Variants in GRID1 observed in about 807,000 individuals in gnomAD.
GRID1 encodes the protein glutamate receptor ionotropic, delta-1.
Under a neutral mutation model 98.0 loss-of-function variants are expected in GRID1, and 28 were observed. That is an observed-to-expected ratio of 0.29 (90% CI 0.21 to 0.39). GRID1 has a LOEUF of 0.39. GRID1 is among the 10% of genes least tolerant of loss of function. GRID1 has a pLI of 1.00. For missense variants in GRID1, 1,111 were observed against 1,340.5 expected, an observed-to-expected ratio of 0.83 and a Z score of 2.67; for synonymous variants, 553 against 538.5, an observed-to-expected ratio of 1.03 and a Z score of -0.37.
chr10:86,247,078 C>T (rs925694712), intron 2 of GRID1, among the ~76,000 whole-genome samples: 9 of 152,226 alleles, frequency 5.9e-5, no homozygotes, highest in Non-Finnish European at 1.5e-5. Flanking sequence ...TACATGTTGG[C>T]TCAATGACTG....
intron 4 of GRID1, among the ~76,000 whole-genome samples, chr10:85,918,805 T>C (rs1217976168): frequency 6.6e-6 from 1 of 152,226 alleles, no homozygotes. Flanking sequence ...AGGAAGTGCC[T>C]GAGCAGAAGG....
intron 5 of GRID1, among the ~76,000 whole-genome samples, chr10:85,908,892 T>C (rs1420289629): frequency 6.6e-6 from 1 of 152,178 alleles, no homozygotes; most frequent in African/African-American, 2.4e-5. Context: ...TTTCAGATAC[T>C]ACACGAAAAA....
chr10:86,269,313 C>G (rs371647553), intron 2 of GRID1, among the ~76,000 whole-genome samples: 3 of 152,176 alleles, frequency 2.0e-5, no homozygotes, highest in African/African-American at 7.2e-5. Context: ...GGCTCCAGCA[C>G]GGCCAGGTAA....
intron 4 of GRID1, among the ~76,000 whole-genome samples, chr10:86,017,880 T>C (rs1589338331): frequency 6.6e-6 from 1 of 151,850 alleles, no homozygotes; most frequent in African/African-American, 2.4e-5. Flanking sequence ...AGAGAGGAGG[T>C]TGGCCTATCC....
chr10:85,883,046 T>C (rs1841057960), intron 5 of GRID1, among the ~76,000 whole-genome samples: 1 of 152,186 alleles, frequency 6.6e-6, no homozygotes, highest in Non-Finnish European at 1.5e-5. Context: ...TATTTCGTTT[T>C]AGAAGTCCAA....
intron 8 of GRID1, among the ~76,000 whole-genome samples, chr10:85,784,511 G>T (rs146025797): frequency 6.6e-6 from 1 of 152,210 alleles, no homozygotes; most frequent in African/African-American, 2.4e-5. Context: ...ATTCAGCAAC[G>T]CCCTGAATGA....
chr10:85,691,125 T>C (rs1245828871), intron 12 of GRID1, among the ~76,000 whole-genome samples: 1 of 152,178 alleles, frequency 6.6e-6, no homozygotes, highest in East Asian at 1.9e-4. Context: ...CCATCTAAAA[T>C]CACACAGCCA....
intron 5 of GRID1, among the ~76,000 whole-genome samples, chr10:85,891,936 G>A (rs1043324011): frequency 6.6e-6 from 1 of 151,872 alleles, no homozygotes; most frequent in Non-Finnish European, 1.5e-5. Flanking sequence ...CAGAAATAAT[G>A]CAGATGGTAG....
chr10:85,901,001 CT>C (rs1841375712), intron 5 of GRID1, among the ~76,000 whole-genome samples: 1 of 152,050 alleles, frequency 6.6e-6, no homozygotes, highest in East Asian at 1.9e-4. Flanking sequence ...TTTGAACTGT[CT>C]TAAAGGATGC....
intron 2 of GRID1, among the ~76,000 whole-genome samples, chr10:86,316,042 A>C (rs567795890): frequency 6.6e-6 from 1 of 152,238 alleles, no homozygotes; most frequent in East Asian, 1.9e-4. Flanking sequence ...CTACACACCC[A>C]TCCCCCACTT....
intron 5 of GRID1, among the ~76,000 whole-genome samples, chr10:85,890,621 G>A (rs7895098): frequency 0.21 from 32,544 of 151,996 alleles, 3,684 homozygotes; most frequent in African/African-American, 0.28. Context: ...CCATTGCTCT[G>A]TCTATGCTGG....
Position 85,599,802 on chromosome 10 carries a change from A to AAAAAAATATAGATATATATATAT in GRID1, c.*2470_*2471insATATATATATATCTATATTTTTT. ...GTAGAAAATTCTAAAAAAAAAAAAA[A>AAAAAAATATAGATATATATATAT]ATATATATATATATATATAAACATG... On this transcript the variant is annotated 3_prime_UTR_variant, in exon 16 of 16. Coordinates refer to ENST00000327946, the MANE Select transcript of GRID1 (RefSeq NM_017551.3). 1 of 65,000 alleles carries AAAAAAATATAGATATATATATAT rather than the reference A, an allele frequency of 1.5e-5. No homozygotes were observed. The highest frequency in any genetic ancestry group is 2.6e-5 in the Non-Finnish European group (1 of 38,794). 4.0% of individuals were successfully genotyped at this position (65,000 alleles called of 1,614,324 possible). A position where few individuals can be genotyped will look rare whatever the true frequency, so the allele number is the denominator to read the frequency against.
chr10:86,333,554 C>T (rs899677879), intron 2 of GRID1, among the ~76,000 whole-genome samples: 12 of 152,132 alleles, frequency 7.9e-5, no homozygotes, highest in African/African-American at 2.2e-4. Flanking sequence ...GAGGTTGGGG[C>T]GCTGACCCCT....
chr10:85,908,450 A>C (rs1401296371), intron 5 of GRID1, among the ~76,000 whole-genome samples: 2 of 151,962 alleles, frequency 1.3e-5, no homozygotes, highest in African/African-American at 2.4e-5. Context: ...TAGCACTGAC[A>C]ATATAAAATT....
chr10:86,178,335 T>G (rs758741449), intron 3 of GRID1, among the ~76,000 whole-genome samples: 1 of 152,168 alleles, frequency 6.6e-6, no homozygotes, highest in African/African-American at 2.4e-5. Context: ...CCTGCCTGCC[T>G]ATTTGCACAC....
At chr10:86,172,232 C>T (rs1394511040) in intron 3 of GRID1, among the ~76,000 whole-genome samples, 1 of 152,172 alleles carries the variant, frequency 6.6e-6, no homozygotes, top group Non-Finnish European at 1.5e-5. Flanking sequence ...CTGGACATTG[C>T]ATATAAGTGG....
intron 13 of GRID1, among the ~76,000 whole-genome samples, chr10:85,630,043 CTT>C (rs1306273008): frequency 6.6e-6 from 1 of 152,168 alleles, no homozygotes; most frequent in Non-Finnish European, 1.5e-5. Flanking sequence ...CCTTTGCCCA[CTT>C]TTTAATGGAG....
chr10:85,962,394 G>GA (rs1182708749), intron 4 of GRID1, among the ~76,000 whole-genome samples: 1 of 152,142 alleles, frequency 6.6e-6, no homozygotes, highest in Non-Finnish European at 1.5e-5. Context: ...CTAAAAATCA[G>GA]AAAAAAGCCC....
At chr10:86,337,698 C>CTTTTTTTTTTTTTT (rs57891044) in intron 2 of GRID1, among the ~76,000 whole-genome samples, 1 of 73,282 alleles carries the variant, frequency 1.4e-5, no homozygotes, top group African/African-American at 5.8e-5. Flanking sequence ...CCTTTGGGAA[C>CTTTTTTTTTTTTTT]TTTTTTTTTT....
Sources: allele counts gnomAD v4.1 joint callset (sites outside exome capture counted in the v4.1 genomes callset), GRCh38; gene constraint gnomAD v4.1.1; transcripts MANE v1.5; gene names NCBI Gene and HGNC (gene_info 2026-07-23, HGNC 2026-07-21).